The following A2ML1 variants were observed in gnomAD, a reference collection of about 807,000 sequenced individuals.
The protein encoded by A2ML1 is alpha-2-macroglobulin like 1.
In A2ML1, 161 loss-of-function variants were observed where a neutral mutation model predicts 181.9. That is an observed-to-expected ratio of 0.89 (90% CI 0.78 to 1.01). The LOEUF (loss-of-function observed/expected upper bound fraction) is 1.01, where lower values mean the gene tolerates loss of function less well. Among genes scored for constraint, A2ML1 ranks in the 50% least tolerant of loss-of-function variants. A2ML1 has a pLI of 0.00. For missense variants in A2ML1, 1,670 were observed against 1,768.1 expected (o/e 0.94, Z 1.00); for synonymous variants, 663 against 666.8 (o/e 0.99, Z 0.09).
At chr12:8,826,672 G>A (rs1000568185) in intron 3 of A2ML1, among the ~76,000 whole-genome samples, 3 of 152,138 alleles carry the variant, frequency 2.0e-5, no homozygotes, top group African/African-American at 7.2e-5. Context: ...GCGCAGGCTG[G>A]AATGCAATAA....
Position 8,843,037 on chromosome 12 carries a change from T to C in A2ML1, c.1249-97T>C. ...CATGCCATTCTCAGGCAGTGAAGAT[T>C]TGAGAGAAAGAGCTCTATTTGAAAA... is the stretch of plus-strand genomic sequence containing the variant. On this transcript the variant is annotated intron_variant, in intron 11 of 35. Transcript: ENST00000299698. 2.8e-6 allele frequency: 3 copies of C among 1,072,926 alleles called. No homozygotes were observed. In the South Asian group the frequency reaches 4.4e-5, roughly 16 times the overall value. 66.5% of individuals were successfully genotyped at this position (1,072,926 alleles called of 1,614,324 possible).
At chr12:8,844,261 C>CT (rs376853548) in intron 12 of A2ML1, among the ~76,000 whole-genome samples, 23,274 of 139,438 alleles carry the variant, frequency 0.17, 2,080 homozygotes, top group African/African-American at 0.21. Flanking sequence ...ACTCAGGATA[C>CT]TTTTTTTTTT....
rs1171199663 is a variant in A2ML1 at position 8,835,640 on chromosome 12, T to G, written c.617T>G (p.Phe206Cys). The G allele has an allele frequency of 1.9e-6, 3 of 1,613,952 alleles. No individual in the cohort carries two copies. Among genetic ancestry groups the G allele is most frequent in the Non-Finnish European group, 2.5e-6 (3 of 1,179,994 alleles). ...GTGGCAGTGGCTGAGGGCAAGACCT[T>G]TGGTACTTTCAGTGTGGAGGAATAT... is the stretch of plus-strand genomic sequence containing the variant. ...YTVAVAEGKT[F>C]GTFSVEEYVL... The change falls in exon 6 of 36, where the codon TTT becomes TGT. Residue 206 changes from phenylalanine to cysteine, a missense_variant. Coordinates refer to ENST00000299698, the MANE Select transcript of A2ML1 (RefSeq NM_144670.6).
intron 7 of A2ML1, among the ~76,000 whole-genome samples, chr12:8,836,758 C>T (rs1411348522): frequency 6.6e-6 from 1 of 152,122 alleles, no homozygotes; most frequent in Non-Finnish European, 1.5e-5. Context: ...TGTTGGATTA[C>T]AGACGTGAGC....
chr12:8,822,773 C>G (rs1942785165), intron 1 of A2ML1, 60 bp downstream of exon 1: 1 of 1,520,906 alleles, frequency 6.6e-7, no homozygotes, highest in Non-Finnish European at 9.1e-7. Flanking sequence ...CTAACTTTCT[C>G]AAACATTTAT....
intron 33 of A2ML1, among the ~76,000 whole-genome samples, chr12:8,869,832 A>C (rs1565494528): frequency 6.6e-6 from 1 of 152,200 alleles, no homozygotes; most frequent in Non-Finnish European, 1.5e-5. Context: ...TAGGGGTCAA[A>C]ATAGTTCTTT....
rs996048210 is a variant in A2ML1, at chr12:8,876,719, G to A, written c.*663G>A. 2 of 151,996 alleles carry A rather than the reference G, an allele frequency of 1.3e-5. No homozygotes were observed. Among genetic ancestry groups the A allele is most frequent in the South Asian group, 4.1e-4 (2 of 4,824 alleles). 9.4% of individuals were successfully genotyped at this position (151,996 alleles called of 1,614,324 possible). ...ATAATAATGTTTTTCTAGAGTTTCA[G>A]TCTAAGGGAAAATGTGATTTAGGGC... On this transcript the variant is annotated 3_prime_UTR_variant, in exon 36 of 36. Coordinates refer to ENST00000299698, the MANE Select transcript of A2ML1 (RefSeq NM_144670.6).
chr12:8,851,704 C>A, intron 18 of A2ML1, 80 bp from the exon 19 acceptor site: 2 of 1,376,400 alleles, frequency 1.5e-6, no homozygotes, highest in Non-Finnish European at 1.0e-6. Context: ...GCACACCCCA[C>A]CGAATTTGTG....
At chr12:8,827,998 G>A (rs896540310) in intron 3 of A2ML1, among the ~76,000 whole-genome samples, 2 of 152,164 alleles carry the variant, frequency 1.3e-5, no homozygotes, top group Non-Finnish European at 2.9e-5. Flanking sequence ...CTGGAGAGAG[G>A]GGTGACACAA....
chr12:8,884,901 A>G (rs1944907128), intron 7 of A2ML1, among the ~76,000 whole-genome samples: 1 of 152,142 alleles, frequency 6.6e-6, no homozygotes, highest in Non-Finnish European at 1.5e-5. Flanking sequence ...TATGTACCAC[A>G]TTTTCTTTAT....
chr12:8,850,449 G>T (rs1943851090), intron 18 of A2ML1, among the ~76,000 whole-genome samples, 175 bp downstream of exon 18: 1 of 152,026 alleles, frequency 6.6e-6, no homozygotes, highest in South Asian at 2.1e-4. Context: ...TAGCCAGATG[G>T]TAGTTGTGTC....
At chr12:8,853,849 T>C (rs147208743) in intron 20 of A2ML1, among the ~76,000 whole-genome samples, 13 of 152,110 alleles carry the variant, frequency 8.5e-5, no homozygotes, top group African/African-American at 2.9e-4. Flanking sequence ...CAGAAGCGAG[T>C]CACTCAATCC....
intron 33 of A2ML1, 76 bp from the exon 34 acceptor site, chr12:8,874,349 G>T (rs1338012018): frequency 2.6e-6 from 3 of 1,168,930 alleles, no homozygotes; most frequent in African/African-American, 3.1e-5. Context: ...GACAGCAAGG[G>T]TCTTTTATTC....
intron 22 of A2ML1, 83 bp from the exon 23 acceptor site, chr12:8,855,426 G>A: frequency 7.9e-7 from 1 of 1,270,788 alleles, no homozygotes; most frequent in Admixed American, 1.7e-5. Flanking sequence ...CTGGATTATA[G>A]AAAGTTCTTC....
intron 8 of A2ML1, among the ~76,000 whole-genome samples, chr12:8,837,959 A>T (rs1943343809): frequency 6.6e-6 from 1 of 151,682 alleles, no homozygotes; most frequent in Non-Finnish European, 1.5e-5. Context: ...TCTAGAAAAG[A>T]GCTAAACAGC....
chr12:8,849,022 A>T (rs1592133151), intron 16 of A2ML1, 108 bp downstream of exon 16: 3 of 1,248,668 alleles, frequency 2.4e-6, no homozygotes, highest in Admixed American at 2.4e-5. Flanking sequence ...CACTGATGGG[A>T]ACAAAATCTT....
chr12:8,874,568 G>T (rs1294663043), intron 34 of A2ML1, 41 bp downstream of exon 34: 1 of 1,472,676 alleles, frequency 6.8e-7, no homozygotes. Flanking sequence ...GATCTTACCT[G>T]CATCTCCCAA....
intron 11 of A2ML1, among the ~76,000 whole-genome samples, chr12:8,841,880 T>C (rs1388537967): frequency 6.6e-6 from 1 of 152,146 alleles, no homozygotes; most frequent in African/African-American, 2.4e-5. Flanking sequence ...CCTCATTACT[T>C]AATAAAAACA....
At chr12:8,836,574 C>A (rs1943285130) in intron 7 of A2ML1, among the ~76,000 whole-genome samples, 1 of 150,640 alleles carries the variant, frequency 6.6e-6, no homozygotes, top group Admixed American at 6.6e-5. Context: ...ACCTCCGCCT[C>A]ATGGGTTCAA....
Sources: allele counts gnomAD v4.1 joint callset (sites outside exome capture counted in the v4.1 genomes callset), GRCh38; gene constraint gnomAD v4.1.1; transcripts MANE v1.5; gene names NCBI Gene and HGNC (gene_info 2026-07-23, HGNC 2026-07-21).